The following C9orf152 variants were observed in gnomAD, a reference collection of about 807,000 sequenced individuals.
The protein encoded by C9orf152 is uncharacterized protein C9orf152.
In C9orf152, 8 loss-of-function variants were observed where a neutral mutation model predicts 8.5. The observed-to-expected ratio is 0.94, with a 90% CI of 0.55 to 1.70. C9orf152 has a LOEUF of 1.70. Among genes scored for constraint, C9orf152 ranks in the 40% most tolerant of loss-of-function variants. The pLI, the probability that C9orf152 is intolerant of heterozygous loss-of-function variation, is 0.00. For synonymous variants in C9orf152, 109 were observed against 113.0 expected, an observed-to-expected ratio of 0.96 and a Z score of 0.22; for missense variants, 293 against 286.2, an observed-to-expected ratio of 1.02 and a Z score of -0.17.
In C9orf152 at chr9:110,201,792, C is replaced by T. The variant is rs144186489; in HGVS notation, c.194-318G>A. ...GCAATGAACATTGAGACAAAACCCA[C>T]ACCTTCCGGGGTGTGTCCTGGTTGA... is the stretch of plus-strand genomic sequence containing the variant. On this transcript the variant is annotated intron_variant, in intron 1 of 1. Coordinates refer to ENST00000400613, the MANE Select transcript of C9orf152 (RefSeq NM_001012993.3). Among the ~76,000 whole-genome samples the T allele has an allele frequency of 5.8e-3, 878 of 152,286 alleles. 4 individuals are homozygous for T. The highest frequency in any genetic ancestry group is 0.019 in the African/African-American group (804 of 41,550).
rs1165981593 is a variant in C9orf152, at chr9:110,201,330, G to A, written c.338C>T (p.Pro113Leu). 6.2e-7 allele frequency: 1 copy of A among 1,612,516 alleles called. No individual in the cohort carries two copies. Among genetic ancestry groups the A allele is most frequent in the Admixed American group, 1.7e-5 (1 of 59,952 alleles). Residue 113 changes from proline to leucine, a missense_variant, in exon 2 of 2, where the codon CCC becomes CTC. Transcript: ENST00000400613. Reference protein sequence around the residue: ...EEAAQGCLQAPKSPWHTHLEM... With the variant: ...EEAAQGCLQALKSPWHTHLEM... The stretch of plus-strand genomic sequence containing the variant: ...CAGGTGCGTGTGCCATGGAGACTTG[G>A]GGGCCTGAAGGCAGCCCTGGGCAGC...
rs778278588 is a variant in C9orf152 at position 110,201,417 on chromosome 9, T to G, written c.251A>C (p.Glu84Ala). ...SMVNAVWINK[E>A]RRSSLSLEEA... ...TTCCAGGGACAGTGAGCTTCTTCTC[T>G]CCTTGTTAATCCAAACAGCATTGAC... The change falls in exon 2 of 2, where the codon GAG becomes GCG. Residue 84 changes from glutamate to alanine, a missense_variant. By Grantham distance (107) the Glu-to-Ala change is moderately radical (BLOSUM62 -1). Transcript: ENST00000400613. The G allele has an allele frequency of 1.3e-6, 2 of 1,548,202 alleles. No individual in the cohort carries two copies. The highest frequency in any genetic ancestry group is 4.5e-5 in the East Asian group (2 of 44,506).
chr9:110,202,550 G>T (rs1201213700), intron 1 of C9orf152, among the ~76,000 whole-genome samples: 1 of 152,104 alleles, frequency 6.6e-6, no homozygotes, highest in Non-Finnish European at 1.5e-5. Context: ...CTGGCTTTAG[G>T]GTGAAAGAGG....
chr9:110,201,257 T>A lies in C9orf152; in HGVS notation c.411A>T (p.Gln137His). ...VQTSPQDTSH[Q>H]VHHRGKLVGS... ...CCACAAGCTTGCCCCTATGATGTACTTGATGACTGGTGTCCTGGGGGGAGG... is the reference window on the plus strand; with the variant it reads ...CCACAAGCTTGCCCCTATGATGTACATGATGACTGGTGTCCTGGGGGGAGG... Residue 137 changes from glutamine (Q) to histidine (H), a missense_variant, in exon 2 of 2, where the codon CAA becomes CAT. Physicochemically the swap from Gln to His is conservative, Grantham distance 24. Transcript: ENST00000400613. 1 of 1,614,110 alleles carries A rather than the reference T, an allele frequency of 6.2e-7. No individual in the cohort carries two copies. Among genetic ancestry groups the A allele is most frequent in the Non-Finnish European group, 8.5e-7 (1 of 1,180,022 alleles).
In C9orf152 at chr9:110,201,257, T is replaced by C. The variant is rs575706795; in HGVS notation, c.411A>G (p.Gln137=). ...VQTSPQDTSH[Q]VHHRGKLVGS... ...CCACAAGCTTGCCCCTATGATGTAC[T>C]TGATGACTGGTGTCCTGGGGGGAGG... The change falls in exon 2 of 2, where the codon CAA becomes CAG. Residue 137 remains glutamine, a synonymous_variant. Transcript: ENST00000400613. The C allele has an allele frequency of 1.5e-5, 24 of 1,614,110 alleles. No homozygotes were observed. The African/African-American group carries it at 3.2e-4, about 22-fold the overall frequency.
In C9orf152 at chr9:110,201,250, G is replaced by A; in HGVS notation, c.418C>T (p.His140Tyr). The A allele has an allele frequency of 3.7e-6, 6 of 1,614,102 alleles. No homozygotes were observed. The highest frequency in any genetic ancestry group is 5.1e-6 in the Non-Finnish European group (6 of 1,180,008). Residue 140 changes from histidine to tyrosine, a missense_variant, in exon 2 of 2, where the codon CAT becomes TAT. His to Tyr is a moderately conservative substitution (Grantham distance 83). Coordinates refer to ENST00000400613, the MANE Select transcript of C9orf152 (RefSeq NM_001012993.3). ...SPQDTSHQVH[H>Y]RGKLVGSDQR... Reference sequence around the variant, plus strand: ...TCAGATCCCACAAGCTTGCCCCTATGATGTACTTGATGACTGGTGTCCTGG... The same window carrying A: ...TCAGATCCCACAAGCTTGCCCCTATAATGTACTTGATGACTGGTGTCCTGG...
chr9:110,205,898 A>T (rs1190547341), intron 1 of C9orf152, among the ~76,000 whole-genome samples: 1 of 152,124 alleles, frequency 6.6e-6, no homozygotes, highest in African/African-American at 2.4e-5. Context: ...TACTAAAAAA[A>T]ATACAAAAAT....
chr9:110,200,529 G>A lies in C9orf152; in HGVS notation c.*419C>T, dbSNP rs10512403. ...CTCCAGAATATATGAGAAATCATCA[G>A]AAGACATTGAAAACAAGAATGCCAC... On this transcript the variant is annotated 3_prime_UTR_variant, in exon 2 of 2. Coordinates refer to ENST00000400613, the MANE Select transcript of C9orf152 (RefSeq NM_001012993.3). 36,684 of 159,046 alleles carry A rather than the reference G, an allele frequency of 0.23. 5,025 individuals carry two copies. Among genetic ancestry groups the A allele is most frequent in the Middle Eastern group, 0.34 (105 of 308 alleles). The allele number at this position is 159,046 out of a possible 1,614,324, so 9.9% of individuals were successfully genotyped here. A position where few individuals can be genotyped will look rare whatever the true frequency, so the allele number is the denominator to read the frequency against.
chr9:110,203,573 T>G (rs1837244507), intron 1 of C9orf152, among the ~76,000 whole-genome samples: 2 of 152,338 alleles, frequency 1.3e-5, no homozygotes, highest in South Asian at 4.1e-4. Flanking sequence ...ATGAGCCTTC[T>G]GTGGCAGTAC....
In C9orf152 at chr9:110,200,188, A is replaced by AGGG. The variant is rs1564356874; in HGVS notation, c.*759_*760insCCC. The AGGG allele has an allele frequency of 7.9e-6, 1 of 126,120 alleles. No homozygotes were observed. The highest frequency in any genetic ancestry group is 1.7e-5 in the Non-Finnish European group (1 of 58,398). The allele number at this position is 126,120 out of a possible 1,614,324, so 7.8% of individuals were successfully genotyped here. ...GAAAGAAAGAAGGAAAGAAGGGAGG[A>AGGG]AGGGAGGGAGGGAGGGAGAGACAGA... On this transcript the variant is annotated 3_prime_UTR_variant, in exon 2 of 2. Coordinates refer to ENST00000400613, the MANE Select transcript of C9orf152 (RefSeq NM_001012993.3).
At position 110,207,464 on chromosome 9, in the gene C9orf152, AT is replaced by A. The variant is rs201081105; in HGVS notation, c.115del (p.Ile39SerfsTer11). ...QAPGKGPPLS[I>X]QFLRAQYEGL... ...TTCATACTGGGCTCGCAGGAACTGG[AT>A]GCTGAGTGGGGGCCCTTTCCCAGGG... On this transcript the variant is annotated frameshift_variant, in exon 1 of 2. Transcript: ENST00000400613. LOFTEE classifies it high-confidence loss of function. 27,284 of 1,613,404 alleles carry A rather than the reference AT, an allele frequency of 0.017. 294 individuals carry two copies. Among genetic ancestry groups the A allele is most frequent in the South Asian group, 0.025 (2,298 of 90,950 alleles).
At chr9:110,202,302 T>C (rs1448362693) in intron 1 of C9orf152, among the ~76,000 whole-genome samples, 1 of 152,174 alleles carries the variant, frequency 6.6e-6, no homozygotes, top group Non-Finnish European at 1.5e-5. Flanking sequence ...AGGCTGGTCT[T>C]GAACTCCTGA....
At position 110,200,982 on chromosome 9, in the gene C9orf152, G is replaced by A. The variant is rs1837209681; in HGVS notation, c.686C>T (p.Ala229Val). ...GCCATATAAGCCCAGGTTCCGGGCA[G>A]CTTGGGAGATCCTGGGTGTTTTCCT... ...PQRKTPRISQ[A>V]ARNLGLYGSA Residue 229 changes from alanine (A) to valine (V), a missense_variant, in exon 2 of 2, where the codon GCT becomes GTT. Transcript: ENST00000400613. The A allele has an allele frequency of 6.2e-7, 1 of 1,613,610 alleles. No homozygotes were observed. Among genetic ancestry groups the A allele is most frequent in the African/African-American group, 1.3e-5 (1 of 75,046 alleles).
In C9orf152 at chr9:110,207,631, G is replaced by A. The variant is rs1331418343; in HGVS notation, c.-52C>T. 4 of 1,367,816 alleles carry A rather than the reference G, an allele frequency of 2.9e-6. No individual in the cohort carries two copies. Among genetic ancestry groups the A allele is most frequent in the Non-Finnish European group, 3.9e-6 (4 of 1,024,186 alleles). 84.7% of individuals were successfully genotyped at this position (1,367,816 alleles called of 1,614,324 possible). A position where few individuals can be genotyped will look rare whatever the true frequency, so the allele number is the denominator to read the frequency against. ...GCTGGGTGGGGCAGGACCTGGGGAG[G>A]GGAGAGAGAGGGAGGGGGCAGTGAG... is the stretch of plus-strand genomic sequence containing the variant. On this transcript the variant is annotated 5_prime_UTR_variant, in exon 1 of 2. Coordinates refer to ENST00000400613, the MANE Select transcript of C9orf152 (RefSeq NM_001012993.3).
chr9:110,207,671 G>C lies in C9orf152; in HGVS notation c.-92C>G. On this transcript the variant is annotated 5_prime_UTR_variant, in exon 1 of 2. Coordinates refer to ENST00000400613, the MANE Select transcript of C9orf152 (RefSeq NM_001012993.3). ...GGGGCAGTGAGGGAGAAGGAGAAGT[G>C]ACGGGCAAAAGGAGGGTGGAAAGAG... 1.0e-6 allele frequency: 1 copy of C among 978,500 alleles called. No individual in the cohort carries two copies. Among genetic ancestry groups the C allele is most frequent in the African/African-American group, 1.7e-5 (1 of 59,468 alleles). The allele number at this position is 978,500 out of a possible 1,614,324, so 60.6% of individuals were successfully genotyped here.
In C9orf152 at chr9:110,200,818, A is replaced by T; in HGVS notation, c.*130T>A. The T allele has an allele frequency of 1.0e-6, 1 of 957,840 alleles. No homozygotes were observed. The highest frequency in any genetic ancestry group is 3.4e-4 in the Middle Eastern group (1 of 2,920). The allele number at this position is 957,840 out of a possible 1,614,324, so 59.3% of individuals were successfully genotyped here. A position where few individuals can be genotyped will look rare whatever the true frequency, so the allele number is the denominator to read the frequency against. The stretch of plus-strand genomic sequence containing the variant: ...GTTACCATTGTGAAGTTCGTCTCCC[A>T]CAATTCCTATAATTAGGTTAGTCCA... On this transcript the variant is annotated 3_prime_UTR_variant, in exon 2 of 2. Transcript: ENST00000400613.
chr9:110,204,535 C>T (rs1029855509), intron 1 of C9orf152, among the ~76,000 whole-genome samples: 11 of 152,158 alleles, frequency 7.2e-5, no homozygotes, highest in Non-Finnish European at 1.3e-4. Context: ...GGATCACGGT[C>T]CTCTAAAATC....
Position 110,207,490 on chromosome 9 carries a change from G to T in C9orf152, c.90C>A (p.Ala30=). 6.2e-7 allele frequency: 1 copy of T among 1,613,338 alleles called. No individual in the cohort carries two copies. Among genetic ancestry groups the T allele is most frequent in the Non-Finnish European group, 8.5e-7 (1 of 1,179,680 alleles). The change falls in exon 1 of 2, where the codon GCC becomes GCA. Residue 30 remains alanine, a synonymous_variant. Transcript: ENST00000400613. ...TGCTGAGTGGGGGCCCTTTCCCAGG[G>T]GCCTGAGTCCTGGAGCCCTCAGCCA... The part of the protein sequence containing the change: ...HLMAEGSRTQ[A]PGKGPPLSIQ...
chr9:110,199,584 T>C lies in C9orf152; in HGVS notation c.*1364A>G, dbSNP rs1222867253. 1 of 152,148 alleles carries C rather than the reference T, an allele frequency of 6.6e-6. No individual in the cohort carries two copies. The highest frequency in any genetic ancestry group is 1.5e-5 in the Non-Finnish European group (1 of 67,962). 9.4% of individuals were successfully genotyped at this position (152,148 alleles called of 1,614,324 possible). A position where few individuals can be genotyped will look rare whatever the true frequency, so the allele number is the denominator to read the frequency against. On this transcript the variant is annotated 3_prime_UTR_variant, in exon 2 of 2. Coordinates refer to ENST00000400613, the MANE Select transcript of C9orf152 (RefSeq NM_001012993.3). Reference sequence around the variant, plus strand: ...AATTTTTTTGAGAAAATTTCCTTTTTTATTAGAATATTTAAAAAACAACTG... The same window carrying C: ...AATTTTTTTGAGAAAATTTCCTTTTCTATTAGAATATTTAAAAAACAACTG...
Sources: gnomAD v4.1 joint callset for allele counts (sites outside exome capture counted in the v4.1 genomes callset) on GRCh38, gnomAD v4.1.1 for gene constraint, MANE v1.5 for transcripts, NCBI Gene and HGNC (gene_info 2026-07-23, HGNC 2026-07-21) for gene names.